FBXO22: variants seen among roughly 807,000 people sequenced by gnomAD.
The protein encoded by FBXO22 is F-box protein 22.
In FBXO22, 13 loss-of-function variants were observed where a neutral mutation model predicts 37.2. The ratio of observed to expected loss-of-function variants is 0.35; its 90% CI spans 0.23 to 0.56. The LOEUF (loss-of-function observed/expected upper bound fraction) is 0.56. Ranked by LOEUF, FBXO22 falls within the 20% of genes least tolerant of loss-of-function variation. The pLI, the probability that FBXO22 is intolerant of heterozygous loss-of-function variation, is 0.87. For missense variants in FBXO22, 446 were observed against 509.9 expected, an observed-to-expected ratio of 0.87 and a Z score of 1.21; for synonymous variants, 189 against 189.1, an observed-to-expected ratio of 1.00 and a Z score of 0.00.
intron 5 of FBXO22, among the ~76,000 whole-genome samples, chr15:75,923,387 G>T (rs1399960043): frequency 1.3e-5 from 2 of 152,134 alleles, no homozygotes; most frequent in Non-Finnish European, 2.9e-5. Context: ...TTATTCCAAG[G>T]CATCATTTTC....
intron 5 of FBXO22, among the ~76,000 whole-genome samples, chr15:75,919,164 G>GT (rs1323013647): frequency 2.6e-5 from 4 of 152,134 alleles, no homozygotes; most frequent in Admixed American, 6.6e-5. Flanking sequence ...TAGAGATAGG[G>GT]TTTTACCATG....
intron 5 of FBXO22, among the ~76,000 whole-genome samples, chr15:75,925,742 C>T (rs1243778924): frequency 1.3e-5 from 2 of 151,370 alleles, no homozygotes; most frequent in Admixed American, 6.6e-5. Context: ...TTTGGGAGAC[C>T]ACTGTGATGG....
rs1464220101 is a variant in FBXO22, at chr15:75,904,055, A to T, written c.92A>T (p.Glu31Val). 1.3e-6 allele frequency: 2 copies of T among 1,559,244 alleles called. No individual in the cohort carries two copies. Among genetic ancestry groups the T allele is most frequent in the Non-Finnish European group, 1.7e-6 (2 of 1,150,850 alleles). Reference sequence around the variant, plus strand: ...TTGAGTAACCTGGCGGAGGTGGTGGAGCGTGTGCTCACCTTCCTGCCCGCC... The same window carrying T: ...TTGAGTAACCTGGCGGAGGTGGTGGTGCGTGTGCTCACCTTCCTGCCCGCC... ...FVLSNLAEVV[E>V]RVLTFLPAKA... is the part of the protein sequence containing the mutation. The change falls in exon 1 of 7, where the codon GAG (glutamate) becomes GTG (valine). Residue 31 changes from glutamate (E) to valine (V), a missense_variant. Physicochemically the swap from Glu to Val is moderately radical, Grantham distance 121. This residue lies in a region of FBXO22 where 131 missense variants were observed against 99.8 expected (regional missense o/e 1.31). Coordinates refer to ENST00000308275, the MANE Select transcript of FBXO22 (RefSeq NM_147188.3).
chr15:75,923,191 C>T (rs774885495), intron 5 of FBXO22, among the ~76,000 whole-genome samples: 5 of 152,062 alleles, frequency 3.3e-5, no homozygotes, highest in Non-Finnish European at 7.4e-5. Context: ...TTATAAGAGC[C>T]AAAATCTTGA....
chr15:75,909,257 G>A (rs1899995293), intron 2 of FBXO22, among the ~76,000 whole-genome samples: 1 of 152,200 alleles, frequency 6.6e-6, no homozygotes, highest in African/African-American at 2.4e-5. Context: ...GAGGTCCAGA[G>A]TACTGAGGGA....
chr15:75,905,115 G>C (rs542585015), intron 2 of FBXO22, among the ~76,000 whole-genome samples: 1 of 151,948 alleles, frequency 6.6e-6, no homozygotes, highest in Admixed American at 6.6e-5. Context: ...GAGCCACCGC[G>C]CCCGGCATGT....
rs142812746 is a variant in FBXO22, at chr15:75,941,960, A to AAACC, written c.*8859_*8860insACCA. The AAACC allele has an allele frequency of 2.1e-5, 2 of 93,766 alleles. No individual in the cohort carries two copies. The highest frequency in any genetic ancestry group is 8.0e-4 in the South Asian group (2 of 2,488). The allele number at this position is 93,766 out of a possible 1,614,324, so 5.8% of individuals were successfully genotyped here. A position where few individuals can be genotyped will look rare whatever the true frequency, so the allele number is the denominator to read the frequency against. ...ACCACCAAAAAAAAAAAAAAAAAAA[A>AAACC]ATATGGCCTAGCTTTTTTTTTTTTT... On this transcript the variant is annotated 3_prime_UTR_variant, in exon 7 of 7. Coordinates refer to ENST00000308275, the MANE Select transcript of FBXO22 (RefSeq NM_147188.3).
In FBXO22 at chr15:75,941,330, A is replaced by C. The variant is rs928847705; in HGVS notation, c.*8228A>C. ...AAATTGGAACTCTTATTACTGATGG[A>C]AATATAGTGGTATGCAGCTGCTGTA... On this transcript the variant is annotated 3_prime_UTR_variant, in exon 7 of 7. Coordinates refer to ENST00000308275, the MANE Select transcript of FBXO22 (RefSeq NM_147188.3). 3.3e-5 allele frequency: 5 copies of C among 152,176 alleles called. No homozygotes were observed. The highest frequency in any genetic ancestry group is 7.4e-5 in the Non-Finnish European group (5 of 68,002). 9.4% of individuals were successfully genotyped at this position (152,176 alleles called of 1,614,324 possible).
intron 5 of FBXO22, among the ~76,000 whole-genome samples, chr15:75,924,480 C>T (rs917514948): frequency 6.6e-6 from 1 of 152,128 alleles, no homozygotes; most frequent in East Asian, 1.9e-4. Flanking sequence ...CATGTTAGGC[C>T]TTGAACTGAG....
rs1289413384 is a variant in FBXO22, at chr15:75,903,932, C to A, written c.-32C>A. 9.9e-6 allele frequency: 15 copies of A among 1,508,642 alleles called. No homozygotes were observed. The highest frequency in any genetic ancestry group is 1.2e-5 in the Non-Finnish European group (14 of 1,123,500). The allele number at this position is 1,508,642 out of a possible 1,614,324, so 93.5% of individuals were successfully genotyped here. ...GGCGTAATCGGGTTCCTCCGAGCCG[C>A]CGTAGGACTGGTTCCGGCGGGCTGG... On this transcript the variant is annotated 5_prime_UTR_variant, in exon 1 of 7. Transcript: ENST00000308275.
In FBXO22 at chr15:75,904,372, G is replaced by A. The variant is rs1567049985; in HGVS notation, c.141-119G>A. ...GCCCTGACTGACACCTACCTACCCC[G>A]GGGACTTTGGATCCCGCAGGGATCT... On this transcript the variant is annotated intron_variant, in intron 1 of 6. Transcript: ENST00000308275. 3 of 1,452,760 alleles carry A rather than the reference G, an allele frequency of 2.1e-6. No homozygotes were observed. The Admixed American group carries it at 5.8e-5, about 28-fold the overall frequency. The allele number at this position is 1,452,760 out of a possible 1,614,324, so 90.0% of individuals were successfully genotyped here.
intron 3 of FBXO22, among the ~76,000 whole-genome samples, chr15:75,913,692 C>G (rs1384299599): frequency 6.6e-6 from 1 of 152,098 alleles, no homozygotes; most frequent in Non-Finnish European, 1.5e-5. Context: ...AATGGGTATC[C>G]AAGATGCGCA....
At chr15:75,929,381 T>C (rs2029924812) in intron 5 of FBXO22, among the ~76,000 whole-genome samples, 1 of 152,142 alleles carries the variant, frequency 6.6e-6, no homozygotes, top group South Asian at 2.1e-4. Context: ...AGAGGTTTGA[T>C]GTGGATATAC....
intron 4 of FBXO22, among the ~76,000 whole-genome samples, chr15:75,916,265 G>A (rs1161846293): frequency 6.6e-6 from 1 of 152,068 alleles, no homozygotes; most frequent in East Asian, 1.9e-4. Context: ...AACCTACTGT[G>A]TTAGTCTACT....
chr15:75,930,254 C>T, intron 6 of FBXO22: 1 of 1,423,768 alleles, frequency 7.0e-7, no homozygotes, highest in South Asian at 1.6e-5. Flanking sequence ...TATATATTGT[C>T]CTTCAAGAAC....
intron 4 of FBXO22, among the ~76,000 whole-genome samples, chr15:75,916,698 T>A (rs1595913965): frequency 6.6e-6 from 1 of 152,218 alleles, no homozygotes; most frequent in East Asian, 1.9e-4. Flanking sequence ...TATATATTTG[T>A]CATCATTTTA....
intron 2 of FBXO22, among the ~76,000 whole-genome samples, chr15:75,908,915 G>T (rs1899988055): frequency 6.6e-6 from 1 of 152,198 alleles, no homozygotes; most frequent in Non-Finnish European, 1.5e-5. Flanking sequence ...AGGCCATCAT[G>T]CTATCTGTCT....
At chr15:75,927,121 G>C (rs1900461712) in intron 5 of FBXO22, among the ~76,000 whole-genome samples, 1 of 152,198 alleles carries the variant, frequency 6.6e-6, no homozygotes, top group Non-Finnish European at 1.5e-5. Flanking sequence ...GGGGAGGGGT[G>C]TGAGGCGGTA....
chr15:75,915,213 C>A (rs980481598), intron 4 of FBXO22, among the ~76,000 whole-genome samples: 7 of 151,854 alleles, frequency 4.6e-5, no homozygotes, highest in Non-Finnish European at 1.0e-4. Flanking sequence ...TCAGGTGATC[C>A]ACCGCCTCAG....
Sources: allele counts gnomAD v4.1 joint callset (sites outside exome capture counted in the v4.1 genomes callset), GRCh38; gene constraint gnomAD v4.1.1; regional missense constraint gnomAD v4.1.1; transcripts MANE v1.5; gene names NCBI Gene and HGNC (gene_info 2026-07-23, HGNC 2026-07-21).